ZNF155: variants seen among roughly 807,000 people sequenced by gnomAD.
ZNF155 encodes the protein KRAB A domain.
In ZNF155, 15 loss-of-function variants were observed where a neutral mutation model predicts 11.9. The ratio of observed to expected loss-of-function variants is 1.26; its 90% CI spans 0.84 to 1.94. The LOEUF (loss-of-function observed/expected upper bound fraction) is 1.94. ZNF155 is among the 30% of genes most tolerant of loss of function. The pLI, the probability that ZNF155 is intolerant of heterozygous loss-of-function variation, is 0.00. For synonymous variants in ZNF155, 212 were observed against 219.9 expected (o/e 0.96, Z 0.32); for missense variants, 602 against 639.1 (o/e 0.94, Z 0.63).
chr19:43,996,250 C>T lies in ZNF155; in HGVS notation c.393C>T (p.Pro131=), dbSNP rs1345850178. The change falls in exon 5 of 5, where the codon CCC becomes CCT. Residue 131 remains proline, a synonymous_variant. Coordinates refer to ENST00000270014, the MANE Select transcript of ZNF155 (RefSeq NM_198089.3). ...AGTTCTTTGAAAATGGTGATGTCCC[C>T]TCCCAGGTTGAAGCAGGACTACCCA... is the stretch of plus-strand genomic sequence containing the variant. ...NSQFFENGDV[P]SQVEAGLPTI... 1.9e-6 allele frequency: 3 copies of T among 1,614,190 alleles called. No homozygotes were observed. The highest frequency in any genetic ancestry group is 2.7e-5 in the African/African-American group (2 of 75,058).
chr19:43,991,789 A>G lies in ZNF155; in HGVS notation c.143-53A>G, dbSNP rs976916738. On this transcript the variant is annotated intron_variant, in intron 3 of 4. Coordinates refer to ENST00000270014, the MANE Select transcript of ZNF155 (RefSeq NM_198089.3). ...CCTAAATAGCCAGTAAATTTTGCCTAAATATTACCCAGAATGTGTTGGGAT... is the reference window on the plus strand; with the variant it reads ...CCTAAATAGCCAGTAAATTTTGCCTGAATATTACCCAGAATGTGTTGGGAT... 5.0e-6 allele frequency: 8 copies of G among 1,605,638 alleles called. No individual in the cohort carries two copies. The African/African-American group carries it at 1.1e-4, about 22-fold the overall frequency.
chr19:43,992,081 C>T (rs960814280), intron 4 of ZNF155, 147 bp downstream of exon 4: 2 of 708,992 alleles, frequency 2.8e-6, no homozygotes, highest in South Asian at 4.2e-5. Flanking sequence ...GCCCTGTTCC[C>T]ACCCTAATAT....
At chr19:43,991,468 C>A in intron 2 of ZNF155, 80 bp from the exon 3 acceptor site, 1 of 1,603,762 alleles carries the variant, frequency 6.2e-7, no homozygotes, top group Admixed American at 1.7e-5. Context: ...TTCCACTCAT[C>A]CCCTTCCCCT....
chr19:43,997,431 T>C lies in ZNF155; in HGVS notation c.1574T>C (p.Leu525Ser). The C allele has an allele frequency of 6.2e-7, 1 of 1,604,054 alleles. No homozygotes were observed. Among genetic ancestry groups the C allele is most frequent in the Non-Finnish European group, 8.5e-7 (1 of 1,177,606 alleles). ...TGTGGGAGACGCTACAAGAGGCGCTTGAATCTGGATATACTTTTATCATTA... is the reference window on the plus strand; with the variant it reads ...TGTGGGAGACGCTACAAGAGGCGCTCGAATCTGGATATACTTTTATCATTA... ...EDCGRRYKRR[L>S]NLDILLSLFL... is the part of the protein sequence containing the mutation. Residue 525 changes from leucine to serine, a missense_variant, in exon 5 of 5, where the codon TTG (leucine) becomes TCG (serine). Transcript: ENST00000270014.
At chr19:43,988,007 C>T (rs550584720) in intron 1 of ZNF155, among the ~76,000 whole-genome samples, 12 of 152,158 alleles carry the variant, frequency 7.9e-5, no homozygotes, top group Admixed American at 2.6e-4. Flanking sequence ...ATTTTCAGGC[C>T]GGGCACAGTG....
rs144318687 is a variant in ZNF155, at chr19:43,998,186, C to T, written c.*712C>T. On this transcript the variant is annotated 3_prime_UTR_variant, in exon 5 of 5. Coordinates refer to ENST00000270014, the MANE Select transcript of ZNF155 (RefSeq NM_198089.3). The stretch of plus-strand genomic sequence containing the variant: ...GAATCACGCTTTCTCCAAGACAGCC[C>T]GCAGGCTAAGTGCATTCCTTCCCCT... 124 of 152,306 alleles carry T rather than the reference C, an allele frequency of 8.1e-4. 1 individual carries two copies. The highest frequency in any genetic ancestry group is 2.9e-3 in the African/African-American group (119 of 41,534). The allele number at this position is 152,306 out of a possible 1,614,324, so 9.4% of individuals were successfully genotyped here. A position where few individuals can be genotyped will look rare whatever the true frequency, so the allele number is the denominator to read the frequency against.
At chr19:43,986,402 TA>T (rs1010876157) in intron 1 of ZNF155, among the ~76,000 whole-genome samples, 4 of 151,944 alleles carry the variant, frequency 2.6e-5, no homozygotes, top group Non-Finnish European at 4.4e-5. Flanking sequence ...AATAAACTAG[TA>T]AACTGCCATA....
At chr19:43,990,168 G>A in intron 2 of ZNF155, 1 of 1,099,952 alleles carries the variant, frequency 9.1e-7, no homozygotes, top group Non-Finnish European at 1.3e-6. Context: ...TTCTAAATGT[G>A]CTTATTTTTT....
At chr19:43,992,981 G>A (rs1437158281) in intron 4 of ZNF155, among the ~76,000 whole-genome samples, 3 of 152,202 alleles carry the variant, frequency 2.0e-5, no homozygotes, top group Non-Finnish European at 4.4e-5. Flanking sequence ...CTTTCCATAG[G>A]GAGCATATTT....
rs764392002 is a variant in ZNF155 at position 43,996,866 on chromosome 19, G to T, written c.1009G>T (p.Val337Phe). The change falls in exon 5 of 5, where the codon GTC (valine) becomes TTC (phenylalanine). Residue 337 changes from valine (V) to phenylalanine (F), a missense_variant. Physicochemically the swap from Val to Phe is conservative, Grantham distance 50. Transcript: ENST00000270014. ...QRSALNRHCM[V>F]HTGEKPYRCE... ...ATCAGCACTTAATAGGCATTGCATG[G>T]TCCACACAGGAGAGAAACCGTACAG... The T allele has an allele frequency of 6.2e-7, 1 of 1,613,972 alleles. No individual in the cohort carries two copies. Among genetic ancestry groups the T allele is most frequent in the Admixed American group, 1.7e-5 (1 of 60,004 alleles).
chr19:43,987,315 A>C (rs536624444), intron 1 of ZNF155, among the ~76,000 whole-genome samples: 1 of 152,176 alleles, frequency 6.6e-6, no homozygotes, highest in East Asian at 1.9e-4. Flanking sequence ...CATTGTGTTT[A>C]CTCGTCACAT....
chr19:43,988,268 G>T (rs1400291373), intron 1 of ZNF155, among the ~76,000 whole-genome samples, 191 bp from the exon 2 acceptor site: 1 of 152,140 alleles, frequency 6.6e-6, no homozygotes, highest in East Asian at 1.9e-4. Context: ...CATTTAGCAT[G>T]ATGTTTCCAA....
intron 1 of ZNF155, 88 bp from the exon 2 acceptor site, chr19:43,988,371 G>C (rs1202139192): frequency 8.4e-6 from 4 of 475,588 alleles, no homozygotes; most frequent in Non-Finnish European, 1.4e-5. Context: ...AAGGCATCTT[G>C]GTTGTGTGCA....
At chr19:43,986,977 A>T (rs1444637224) in intron 1 of ZNF155, among the ~76,000 whole-genome samples, 1 of 152,186 alleles carries the variant, frequency 6.6e-6, no homozygotes, top group Non-Finnish European at 1.5e-5. Flanking sequence ...TTTCTGCAGC[A>T]AGGAAGCCCA....
At chr19:43,989,334 A>G (rs1975574896) in intron 2 of ZNF155, among the ~76,000 whole-genome samples, 1 of 152,228 alleles carries the variant, frequency 6.6e-6, no homozygotes, top group Non-Finnish European at 1.5e-5. Flanking sequence ...CCAAAGCAGT[A>G]GAAAGCCTTC....
chr19:43,994,665 T>G (rs1326523819), intron 4 of ZNF155, among the ~76,000 whole-genome samples: 1 of 152,156 alleles, frequency 6.6e-6, no homozygotes, highest in Admixed American at 6.5e-5. Context: ...ATGCGGACCT[T>G]CTATTGTATT....
rs1047706069 is a variant in ZNF155, at chr19:43,988,076, C to T, written c.-85-383C>T. Among the ~76,000 whole-genome samples, 5 of 152,124 alleles carry T rather than the reference C, an allele frequency of 3.3e-5. 1 individual carries two copies. The highest frequency in any genetic ancestry group is 1.2e-4 in the African/African-American group (5 of 41,424). ...CAAGGTGGGAGGTATAGCTTGAGCT[C>T]AGGAGTTTGAGACCAGCTTGGACAA... On this transcript the variant is annotated intron_variant, in intron 1 of 4. Coordinates refer to ENST00000270014, the MANE Select transcript of ZNF155 (RefSeq NM_198089.3).
chr19:43,989,921 A>G lies in ZNF155; in HGVS notation c.15+1363A>G, dbSNP rs926297238. The G allele has an allele frequency of 7.4e-5, 48 of 647,362 alleles. No individual in the cohort carries two copies. The African/African-American group carries it at 8.4e-4, about 11-fold the overall frequency. 40.1% of individuals were successfully genotyped at this position (647,362 alleles called of 1,614,324 possible). ...AGGAACAAAGGACACTAAAAGGCCA[A>G]TGTAAAAGGAGAAGTAGAGATGGCC... On this transcript the variant is annotated intron_variant, in intron 2 of 4. Coordinates refer to ENST00000270014, the MANE Select transcript of ZNF155 (RefSeq NM_198089.3).
rs12978426 is a variant in ZNF155, at chr19:43,985,876, G to A, written c.-86+1631G>A. 9.8e-3 allele frequency among the ~76,000 whole-genome samples: 1,486 copies of A among 152,240 alleles called. 13 individuals carry two copies. Among genetic ancestry groups the A allele is most frequent in the Admixed American group, 0.018 (277 of 15,298 alleles). On this transcript the variant is annotated intron_variant, in intron 1 of 4. Coordinates refer to ENST00000270014, the MANE Select transcript of ZNF155 (RefSeq NM_198089.3). Reference sequence around the variant, plus strand: ...TTTTAAATATGGGAGTGAGACACCTGGTGCTTAGTTCCCAGTAGAATGAGG... The same window carrying A: ...TTTTAAATATGGGAGTGAGACACCTAGTGCTTAGTTCCCAGTAGAATGAGG...
Sources: allele counts gnomAD v4.1 joint callset (sites outside exome capture counted in the v4.1 genomes callset), GRCh38; gene constraint gnomAD v4.1.1; transcripts MANE v1.5; gene names NCBI Gene and HGNC (gene_info 2026-07-23, HGNC 2026-07-21).